HS6ST3: variants seen among roughly 807,000 people sequenced by gnomAD.
HS6ST3 encodes heparan-sulfate 6-O-sulfotransferase 3.
In HS6ST3, 12 loss-of-function variants were observed where a neutral mutation model predicts 36.7. The observed-to-expected ratio is 0.33, with a 90% CI of 0.21 to 0.53. The LOEUF is 0.53. Ranked by LOEUF, HS6ST3 falls within the 20% of genes least tolerant of loss-of-function variation. HS6ST3 has a pLI of 0.95. For synonymous variants in HS6ST3, 240 were observed against 257.5 expected (o/e 0.93, Z 0.65); for missense variants, 584 against 640.9 (o/e 0.91, Z 0.96).
intron 1 of HS6ST3, among the ~76,000 whole-genome samples, chr13:96,333,971 G>T (rs749619512): frequency 1.3e-5 from 2 of 152,098 alleles, no homozygotes; most frequent in Admixed American, 6.5e-5. Flanking sequence ...GAATAATTCT[G>T]CAGGTTCTGG....
chr13:96,780,799 G>A (rs1271527217), intron 1 of HS6ST3, among the ~76,000 whole-genome samples: 2 of 152,020 alleles, frequency 1.3e-5, no homozygotes, highest in African/African-American at 4.8e-5. Flanking sequence ...CACCTCTTGA[G>A]TATTCCTAGC....
chr13:96,600,729 T>G (rs2056418378), intron 1 of HS6ST3, among the ~76,000 whole-genome samples: 1 of 152,098 alleles, frequency 6.6e-6, no homozygotes, highest in Non-Finnish European at 1.5e-5. Flanking sequence ...CTAGTTGCTT[T>G]GTTTTTTTCA....
At chr13:96,601,737 T>G (rs2138982707) in intron 1 of HS6ST3, among the ~76,000 whole-genome samples, 1 of 152,348 alleles carries the variant, frequency 6.6e-6, no homozygotes, top group African/African-American at 2.4e-5. Flanking sequence ...TTTGGTAGAC[T>G]ATTTATTGTG....
intron 1 of HS6ST3, among the ~76,000 whole-genome samples, chr13:96,243,871 G>C (rs2054572658): frequency 6.7e-6 from 1 of 150,310 alleles, no homozygotes; most frequent in South Asian, 2.1e-4. Flanking sequence ...GTACTAACTA[G>C]TCCCTTAGAA....
intron 1 of HS6ST3, among the ~76,000 whole-genome samples, chr13:96,711,356 C>T (rs950183242): frequency 3.9e-5 from 6 of 151,954 alleles, no homozygotes; most frequent in African/African-American, 7.3e-5. Flanking sequence ...TGATATGTAA[C>T]GTATAACTTC....
At chr13:96,476,120 A>T (rs1047918458) in intron 1 of HS6ST3, among the ~76,000 whole-genome samples, 1 of 152,220 alleles carries the variant, frequency 6.6e-6, no homozygotes, top group African/African-American at 2.4e-5. Context: ...GTACATTCTC[A>T]TAGCTGGTGA....
chr13:96,400,709 C>T (rs147270992), intron 1 of HS6ST3, among the ~76,000 whole-genome samples: 8 of 152,194 alleles, frequency 5.3e-5, no homozygotes, highest in East Asian at 3.9e-4. Context: ...CCACCAGTGG[C>T]GCAGGGCTTT....
intron 1 of HS6ST3, among the ~76,000 whole-genome samples, chr13:96,520,352 C>G (rs1284512741): frequency 6.6e-6 from 1 of 151,964 alleles, no homozygotes; most frequent in Non-Finnish European, 1.5e-5. Flanking sequence ...TGTTTTGGTT[C>G]CATATGAAGT....
intron 1 of HS6ST3, among the ~76,000 whole-genome samples, chr13:96,676,978 A>G (rs1011584841): frequency 6.6e-6 from 1 of 152,162 alleles, no homozygotes; most frequent in Non-Finnish European, 1.5e-5. Context: ...CATAGTAAGT[A>G]GAGAAAAGTT....
intron 1 of HS6ST3, among the ~76,000 whole-genome samples, chr13:96,799,729 T>A (rs1239263501): frequency 6.6e-6 from 1 of 150,850 alleles, no homozygotes; most frequent in African/African-American, 2.4e-5. Flanking sequence ...CATGTATACA[T>A]ATGTAACTAA....
chr13:96,665,083 G>A lies in HS6ST3; in HGVS notation c.708-167407G>A, dbSNP rs1327486715. Among the ~76,000 whole-genome samples the A allele has an allele frequency of 3.3e-5, 5 of 152,226 alleles. No homozygotes were observed. In the East Asian group the frequency reaches 9.7e-4, roughly 29 times the overall value. ...ACTACTCAGGAGGCTGAGCTGGGAG[G>A]ATGGCTTGAGCCCGGGAGGTCAAGG... On this transcript the variant is annotated intron_variant, in intron 1 of 1. Transcript: ENST00000376705.
chr13:96,700,115 T>C (rs1379930338), intron 1 of HS6ST3, among the ~76,000 whole-genome samples: 2 of 152,184 alleles, frequency 1.3e-5, no homozygotes, highest in African/African-American at 4.8e-5. Flanking sequence ...TAGTCCATTT[T>C]CACACTGCTG....
At chr13:96,629,375 A>G (rs1159973095) in intron 1 of HS6ST3, among the ~76,000 whole-genome samples, 1 of 152,160 alleles carries the variant, frequency 6.6e-6, no homozygotes, top group Non-Finnish European at 1.5e-5. Context: ...TTTCATCTTG[A>G]CTAAATTTCT....
chr13:96,346,479 G>A (rs1287811925), intron 1 of HS6ST3, among the ~76,000 whole-genome samples: 2 of 151,866 alleles, frequency 1.3e-5, no homozygotes, highest in African/African-American at 2.4e-5. Context: ...GGAGGCTGAG[G>A]CAGGAGAATG....
At chr13:96,782,243 A>C (rs1296688410) in intron 1 of HS6ST3, among the ~76,000 whole-genome samples, 1 of 152,204 alleles carries the variant, frequency 6.6e-6, no homozygotes, top group Admixed American at 6.5e-5. Context: ...AAGGCTGCTG[A>C]ATTATTTAAG....
intron 1 of HS6ST3, among the ~76,000 whole-genome samples, chr13:96,495,260 G>A (rs527892529): frequency 2.0e-5 from 3 of 152,336 alleles, no homozygotes; most frequent in Non-Finnish European, 4.4e-5. Flanking sequence ...CTGGCATAGA[G>A]GATGCCATAT....
At chr13:96,207,574 A>C (rs1048093768) in intron 1 of HS6ST3, among the ~76,000 whole-genome samples, 1 of 152,206 alleles carries the variant, frequency 6.6e-6, no homozygotes, top group Non-Finnish European at 1.5e-5. Context: ...ACATGGAATC[A>C]ACCTAAATGC....
chr13:96,147,859 T>G lies in HS6ST3; in HGVS notation c.707+56290T>G, dbSNP rs535987908. 5.9e-5 allele frequency among the ~76,000 whole-genome samples: 9 copies of G among 152,340 alleles called. No individual in the cohort carries two copies. The South Asian group carries it at 1.7e-3, about 28-fold the overall frequency. ...TAACATATACAATCATAAAAATGCATAACAATAAACAATGTAGTGTGAAAG... is the reference window on the plus strand; with the variant it reads ...TAACATATACAATCATAAAAATGCAGAACAATAAACAATGTAGTGTGAAAG... On this transcript the variant is annotated intron_variant, in intron 1 of 1. Coordinates refer to ENST00000376705, the MANE Select transcript of HS6ST3 (RefSeq NM_153456.4).
intron 1 of HS6ST3, among the ~76,000 whole-genome samples, chr13:96,366,801 C>T (rs1383740601): frequency 1.3e-5 from 2 of 152,256 alleles, no homozygotes; most frequent in Admixed American, 6.5e-5. Flanking sequence ...CTCCATGTGT[C>T]AAGGGTGGGG....
Sources: gnomAD v4.1 joint callset for allele counts (sites outside exome capture counted in the v4.1 genomes callset) on GRCh38, gnomAD v4.1.1 for gene constraint, MANE v1.5 for transcripts, NCBI Gene and HGNC (gene_info 2026-07-23, HGNC 2026-07-21) for gene names.